The following CDK13 variants were observed in gnomAD, a reference collection of about 807,000 sequenced individuals.
CDK13 encodes the protein cyclin dependent kinase 13.
CDK13 carries 40 observed loss-of-function variants against 137.6 expected under a neutral mutation model. That is an observed-to-expected ratio of 0.29 (90% CI 0.23 to 0.38). CDK13 has a LOEUF of 0.38. Among genes scored for constraint, CDK13 ranks in the 10% least tolerant of loss-of-function variants. CDK13 has a pLI of 1.00. For synonymous variants in CDK13, 869 were observed against 760.1 expected (o/e 1.14, Z -2.36); for missense variants, 1,704 against 1,951.8 (o/e 0.87, Z 2.39).
chr7:40,089,083 A>ATG lies in CDK13; in HGVS notation c.3235+753_3235+754insGT, dbSNP rs1491104373. On this transcript the variant is annotated intron_variant, in intron 12 of 13. Coordinates refer to ENST00000181839, the MANE Select transcript of CDK13 (RefSeq NM_003718.5). ...GACAGGAGCGAGACTCCATCTCAAA[A>ATG]TATGTGTGTGTGTGTGTGTGAGTGA... is the stretch of plus-strand genomic sequence containing the variant. Among the ~76,000 whole-genome samples, 7 of 148,690 alleles carry ATG rather than the reference A, an allele frequency of 4.7e-5. No homozygotes were observed. In the South Asian group the frequency reaches 1.4e-3, roughly 30 times the overall value.
intron 1 of CDK13, among the ~76,000 whole-genome samples, chr7:39,978,805 G>T (rs1395963183): frequency 6.6e-6 from 1 of 152,222 alleles, no homozygotes; most frequent in Non-Finnish European, 1.5e-5. Flanking sequence ...ACTCTAAGAA[G>T]TAAGGCTCTA....
At chr7:40,012,706 G>A in intron 5 of CDK13, among the ~76,000 whole-genome samples, 1 of 152,136 alleles carries the variant, frequency 6.6e-6, no homozygotes, top group East Asian at 1.9e-4. Context: ...CCTGAGGTCA[G>A]TTCAAGACTA....
At chr7:39,958,912 C>T (rs1246945665) in intron 1 of CDK13, among the ~76,000 whole-genome samples, 1 of 152,122 alleles carries the variant, frequency 6.6e-6, no homozygotes. Flanking sequence ...CTGAGTCTCA[C>T]CAACACTTGG....
chr7:40,095,030 A>C lies in CDK13; in HGVS notation c.*50A>C. On this transcript the variant is annotated 3_prime_UTR_variant, in exon 14 of 14. Transcript: ENST00000181839. ...CATTTTTATCTGGAAAGACTTTTCT[A>C]GCTGCAATTTAAGGCAGCAATCCAA... 2 of 1,340,864 alleles carry C rather than the reference A, an allele frequency of 1.5e-6. No individual in the cohort carries two copies. Among genetic ancestry groups the C allele is most frequent in the Non-Finnish European group, 1.9e-6 (2 of 1,038,184 alleles). The allele number at this position is 1,340,864 out of a possible 1,614,324, so 83.1% of individuals were successfully genotyped here.
intron 7 of CDK13, among the ~76,000 whole-genome samples, chr7:40,050,566 A>AT (rs1028314020): frequency 6.6e-6 from 1 of 151,850 alleles, no homozygotes; most frequent in Non-Finnish European, 1.5e-5. Context: ...TAATTTTTGT[A>AT]TTTTTTAGTA....
At chr7:40,014,172 G>C (rs908639581) in intron 5 of CDK13, among the ~76,000 whole-genome samples, 1 of 147,262 alleles carries the variant, frequency 6.8e-6, no homozygotes, top group East Asian at 2.1e-4. Context: ...GGGTTCAAGC[G>C]ATTTTTCTGC....
intron 5 of CDK13, among the ~76,000 whole-genome samples, chr7:40,043,188 A>T (rs1785652774): frequency 6.6e-6 from 1 of 152,142 alleles, no homozygotes; most frequent in Non-Finnish European, 1.5e-5. Flanking sequence ...CTTTGATGTA[A>T]CTGTCCACCT....
chr7:40,091,364 TAAAAC>T (rs141314326), intron 12 of CDK13, among the ~76,000 whole-genome samples: 3,334 of 149,418 alleles, frequency 0.022, 56 homozygotes, highest in Non-Finnish European at 0.032. Flanking sequence ...AATAAATAAA[TAAAAC>T]AATTAGCCAG....
intron 7 of CDK13, among the ~76,000 whole-genome samples, chr7:40,050,085 T>G (rs1184970418): frequency 6.6e-6 from 1 of 151,982 alleles, no homozygotes; most frequent in Non-Finnish European, 1.5e-5. Flanking sequence ...GTCCAAGTGA[T>G]TCTCCTGCCT....
intron 1 of CDK13, among the ~76,000 whole-genome samples, chr7:39,968,280 G>C (rs536727920): frequency 6.6e-6 from 1 of 151,952 alleles, no homozygotes; most frequent in Admixed American, 6.6e-5. Flanking sequence ...TGTACTTTTG[G>C]GTTTATAACC....
intron 1 of CDK13, among the ~76,000 whole-genome samples, chr7:39,955,544 CATA>C (rs1008814388): frequency 1.2e-4 from 18 of 152,202 alleles, no homozygotes; most frequent in African/African-American, 4.1e-4. Flanking sequence ...GGCCACCTCA[CATA>C]ATGACCTGTT....
chr7:39,999,096 CT>C (rs1784625746), intron 3 of CDK13: 1 of 264,886 alleles, frequency 3.8e-6, no homozygotes, highest in African/African-American at 2.2e-5. Flanking sequence ...TCTGAAAAGC[CT>C]TCATACAAGC....
chr7:39,969,999 G>A (rs1246480011), intron 1 of CDK13, among the ~76,000 whole-genome samples: 2 of 150,456 alleles, frequency 1.3e-5, no homozygotes, highest in African/African-American at 4.9e-5. Flanking sequence ...AACCAGTTTA[G>A]CATTTGTGTG....
chr7:40,055,192 G>A (rs1394033416), intron 7 of CDK13, among the ~76,000 whole-genome samples: 2 of 151,326 alleles, frequency 1.3e-5, no homozygotes, highest in Non-Finnish European at 2.9e-5. Context: ...GTGTGTGTGT[G>A]TGTGTTTTCC....
rs1786957937 is a variant in CDK13 at position 40,092,891 on chromosome 7, G to T, written c.3342G>T (p.Leu1114Phe). Residue 1114 changes from leucine to phenylalanine, a missense_variant, in exon 13 of 14, where the codon TTG becomes TTT. By Grantham distance (22) the Leu-to-Phe change is conservative. Coordinates refer to ENST00000181839, the MANE Select transcript of CDK13 (RefSeq NM_003718.5). ...ATATGGCTGATTTTGTCCAAGTGTT[G>T]AACATTAAGGTAAACTCTGAGACTC... ...SVNMADFVQVLNIKVNSETQQ... is the reference protein window; with the variant it reads ...SVNMADFVQVFNIKVNSETQQ... 3.7e-6 allele frequency: 6 copies of T among 1,614,064 alleles called. No homozygotes were observed. The highest frequency in any genetic ancestry group is 1.1e-5 in the South Asian group (1 of 91,072).
At position 40,098,702 on chromosome 7, in the gene CDK13, A is replaced by G. The variant is rs2150551153; in HGVS notation, c.*3722A>G. The G allele has an allele frequency of 1.3e-5, 2 of 152,194 alleles. 1 individual carries two copies. Among genetic ancestry groups the G allele is most frequent in the South Asian group, 4.1e-4 (2 of 4,828 alleles). 9.4% of individuals were successfully genotyped at this position (152,194 alleles called of 1,614,324 possible). On this transcript the variant is annotated 3_prime_UTR_variant, in exon 14 of 14. Coordinates refer to ENST00000181839, the MANE Select transcript of CDK13 (RefSeq NM_003718.5). ...CTGGATTGCCTGTGCTTGTTCCTCT[A>G]AGCCATACCTAAATTCTGCAGTAAA...
chr7:40,053,329 T>C (rs928055510), intron 7 of CDK13, among the ~76,000 whole-genome samples: 1 of 152,220 alleles, frequency 6.6e-6, no homozygotes, highest in African/African-American at 2.4e-5. Flanking sequence ...GAAAAATGTC[T>C]ACTCCTTTTC....
intron 13 of CDK13, among the ~76,000 whole-genome samples, chr7:40,093,723 A>G (rs917736947): frequency 6.6e-6 from 1 of 152,060 alleles, no homozygotes; most frequent in Non-Finnish European, 1.5e-5. Context: ...TGTGCAACAT[A>G]GTGAGACCCT....
intron 1 of CDK13, chr7:39,985,014 G>T (rs566704092): frequency 6.7e-6 from 1 of 148,486 alleles, no homozygotes; most frequent in African/African-American, 2.5e-5. Flanking sequence ...AAAAAAAAAA[G>T]AAAAAAAATG....
Sources: allele counts gnomAD v4.1 joint callset (sites outside exome capture counted in the v4.1 genomes callset), GRCh38; gene constraint gnomAD v4.1.1; transcripts MANE v1.5; gene names NCBI Gene and HGNC (gene_info 2026-07-23, HGNC 2026-07-21).